RYR2: variants seen among roughly 807,000 people sequenced by gnomAD.
RYR2 encodes ryanodine receptor 2.
Under a neutral mutation model 601.1 loss-of-function variants are expected in RYR2, and 227 were observed. The ratio of observed to expected loss-of-function variants is 0.38; its 90% CI spans 0.34 to 0.42. The LOEUF (loss-of-function observed/expected upper bound fraction) is 0.42, where lower values mean the gene tolerates loss of function less well. RYR2 is among the 10% of genes least tolerant of loss of function. RYR2 has a pLI of 1.00. For missense variants in RYR2, 4,646 were observed against 6,156.5 expected (o/e 0.75, Z 8.21); for synonymous variants, 2,223 against 2,175.1 (o/e 1.02, Z -0.61).
At chr1:237,617,178 T>G (rs980159643) in intron 37 of RYR2, 108 bp from the exon 38 acceptor site, 3 of 1,025,606 alleles carry the variant, frequency 2.9e-6, no homozygotes, top group Non-Finnish European at 4.2e-6. Context: ...ATTCTGTTTC[T>G]AAGAGAGAAG....
chr1:237,290,020 G>A (rs1692034316), intron 2 of RYR2, among the ~76,000 whole-genome samples: 1 of 152,132 alleles, frequency 6.6e-6, no homozygotes, highest in South Asian at 2.1e-4. Context: ...ATACAACATA[G>A]TGGCCTACTC....
intron 12 of RYR2, among the ~76,000 whole-genome samples, chr1:237,424,934 G>A (rs1004560135): frequency 3.9e-5 from 6 of 152,118 alleles, no homozygotes; most frequent in African/African-American, 1.2e-4. Flanking sequence ...TTGCTCCAGT[G>A]AGTGCAGGAA....
rs756926615 is a variant in RYR2, at chr1:237,784,373, A to G, written c.12661A>G (p.Ser4221Gly). ...LNERSANKEE[S>G]EKERPEEQGP... Reference sequence around the variant, plus strand: ...CGAGAGGTCAGCGAATAAGGAAGAAAGCGAGAAGGAGAGGCCGGAAGAGCA... The same window carrying G: ...CGAGAGGTCAGCGAATAAGGAAGAAGGCGAGAAGGAGAGGCCGGAAGAGCA... Residue 4221 changes from serine (S) to glycine (G), a missense_variant, in exon 90 of 105, where the codon AGC becomes GGC. Physicochemically the swap from Ser to Gly is moderately conservative, Grantham distance 56. Coordinates refer to ENST00000366574, the MANE Select transcript of RYR2 (RefSeq NM_001035.3). This position sits in a 1 kb window ranked among gnomAD's most constrained non-coding sequence, Gnocchi z 7.1. 6.2e-7 allele frequency: 1 copy of G among 1,613,968 alleles called. No individual in the cohort carries two copies. The highest frequency in any genetic ancestry group is 2.2e-5 in the East Asian group (1 of 44,868).
intron 5 of RYR2, among the ~76,000 whole-genome samples, chr1:237,364,576 G>A (rs1484444673): frequency 6.6e-6 from 1 of 151,842 alleles, no homozygotes; most frequent in Non-Finnish European, 1.5e-5. Flanking sequence ...TTGAATCCAT[G>A]TAACTTTTCT....
chr1:237,669,865 C>A (rs1475168261), intron 58 of RYR2, among the ~76,000 whole-genome samples: 1 of 151,942 alleles, frequency 6.6e-6, no homozygotes, highest in East Asian at 2.0e-4. Context: ...GGCAGAGACG[C>A]TCCTCACTTC....
chr1:237,491,543 G>A (rs1663339774), intron 17 of RYR2, among the ~76,000 whole-genome samples: 1 of 152,150 alleles, frequency 6.6e-6, no homozygotes, highest in African/African-American at 2.4e-5. Context: ...CCTCCTTCGG[G>A]TAGCGTTACC....
rs886046262 is a variant in RYR2 at position 237,456,745 on chromosome 1, A to G, written c.1612+10A>G. 6 of 1,613,312 alleles carry G rather than the reference A, an allele frequency of 3.7e-6. No individual in the cohort carries two copies. In the East Asian group the frequency reaches 1.3e-4, roughly 36 times the overall value. ...CTGTATGAGTTGCTGGGTAAGAAGC[A>G]TGATTGGGTTCATAGCAACAGAGTT... On this transcript the variant is annotated intron_variant, in intron 16 of 104. Transcript: ENST00000366574.
intron 54 of RYR2, among the ~76,000 whole-genome samples, chr1:237,658,720 T>C (rs1321205965): frequency 1.3e-5 from 2 of 152,188 alleles, no homozygotes; most frequent in Non-Finnish European, 2.9e-5. Flanking sequence ...TGTAGTTCTA[T>C]ATCAGATAAA....
intron 1 of RYR2, among the ~76,000 whole-genome samples, chr1:237,093,602 G>A (rs912963120): frequency 1.3e-5 from 2 of 152,136 alleles, no homozygotes; most frequent in African/African-American, 4.8e-5. Flanking sequence ...TAGGACCACA[G>A]GCTCTGGATG....
chr1:237,441,467 G>T lies in RYR2; in HGVS notation c.1154G>T (p.Gly385Val). The T allele has an allele frequency of 6.3e-7, 1 of 1,583,856 alleles. No individual in the cohort carries two copies. The highest frequency in any genetic ancestry group is 8.6e-7 in the Non-Finnish European group (1 of 1,162,694). ...GTGGACGTGAAATCCGTGAGAATGGGATCTATACAACGTAAGGTAAGGTGA... is the reference window on the plus strand; with the variant it reads ...GTGGACGTGAAATCCGTGAGAATGGTATCTATACAACGTAAGGTAAGGTGA... The part of the protein sequence containing the change: ...QSVDVKSVRM[G>V]SIQRKAIMHH... Residue 385 changes from glycine to valine, a missense_variant, in exon 13 of 105, where the codon GGA becomes GTA. Physicochemically the swap from Gly to Val is moderately radical, Grantham distance 109. Coordinates refer to ENST00000366574, the MANE Select transcript of RYR2 (RefSeq NM_001035.3).
chr1:237,554,848 A>T (rs1670732176), intron 27 of RYR2, among the ~76,000 whole-genome samples: 1 of 152,004 alleles, frequency 6.6e-6, no homozygotes, highest in Non-Finnish European at 1.5e-5. Flanking sequence ...CCTGGTAATG[A>T]TAGTTGATGT....
At chr1:237,431,072 T>C (rs1161043793) in intron 12 of RYR2, among the ~76,000 whole-genome samples, 3 of 152,132 alleles carry the variant, frequency 2.0e-5, no homozygotes, top group Non-Finnish European at 4.4e-5. Flanking sequence ...ACCACTCGAG[T>C]GTACAGGTTA....
rs1417203265 is a variant in RYR2, at chr1:237,584,655, T to TGTTTTTG, written c.3599-5138_3599-5137insGTTTTTG. Reference sequence around the variant, plus strand: ...CAAATCCAGCTCACCACCTGTTTTTTTTTTTTTTTTTTTTTTTTGAGACAG... The same window carrying TGTTTTTG: ...CAAATCCAGCTCACCACCTGTTTTTTGTTTTTGTTTTTTTTTTTTTTTTTTGAGACAG... On this transcript the variant is annotated intron_variant, in intron 29 of 104. Transcript: ENST00000366574. 1.1e-4 allele frequency among the ~76,000 whole-genome samples: 14 copies of TGTTTTTG among 129,608 alleles called. No individual in the cohort carries two copies. The East Asian group carries it at 1.1e-3, about 11-fold the overall frequency. The allele number at this position is 129,608 out of a possible 152,430, so 85.0% of individuals were successfully genotyped here.
At chr1:237,494,500 C>T (rs1253955520) in intron 19 of RYR2, among the ~76,000 whole-genome samples, 1 of 152,108 alleles carries the variant, frequency 6.6e-6, no homozygotes, top group Non-Finnish European at 1.5e-5. Context: ...GATGGGTCGG[C>T]CTCTCCCAGC....
intron 84 of RYR2, among the ~76,000 whole-genome samples, chr1:237,766,096 A>G (rs921329579): frequency 2.0e-5 from 3 of 152,112 alleles, no homozygotes; most frequent in Non-Finnish European, 4.4e-5. Flanking sequence ...CACGGCAGAG[A>G]ATGGTGACTA....
chr1:237,549,628 C>CTTTTTTTT (rs57579159), intron 26 of RYR2, among the ~76,000 whole-genome samples: 1 of 77,710 alleles, frequency 1.3e-5, no homozygotes, highest in African/African-American at 5.3e-5. Context: ...CCATAGCTTT[C>CTTTTTTTT]TTTTTTTTTT....
chr1:237,636,789 C>T (rs1006235481), intron 44 of RYR2, among the ~76,000 whole-genome samples: 1 of 152,192 alleles, frequency 6.6e-6, no homozygotes, highest in Non-Finnish European at 1.5e-5. Flanking sequence ...GAATACCGAC[C>T]ATCAATGTAT....
chr1:237,721,681 G>A (rs1452666410), intron 73 of RYR2, among the ~76,000 whole-genome samples: 1 of 152,062 alleles, frequency 6.6e-6, no homozygotes, highest in Non-Finnish European at 1.5e-5. Flanking sequence ...ACCACACCCA[G>A]CTAATTTTTT....
At position 237,792,378 on chromosome 1, in the gene RYR2, TGTGC is replaced by T. The variant is rs1553327360; in HGVS notation, c.13782+59_13782+62del. On this transcript the variant is annotated intron_variant, in intron 94 of 104. Coordinates refer to ENST00000366574, the MANE Select transcript of RYR2 (RefSeq NM_001035.3). ...GTGTGTGTGTGTGTGTGTGTGTGTGTGTGCGTGTGTGTGTGTGTGCGTGTGTGTG... is the reference window on the plus strand; with the variant it reads ...GTGTGTGTGTGTGTGTGTGTGTGTGTGTGTGTGTGTGTGTGCGTGTGTGTG... 415 of 864,466 alleles carry T rather than the reference TGTGC, an allele frequency of 4.8e-4. 1 individual carries two copies. In the East Asian group the frequency reaches 0.01, roughly 21 times the overall value. The allele number at this position is 864,466 out of a possible 1,614,324, so 53.5% of individuals were successfully genotyped here.
Sources: gnomAD v4.1 joint callset for allele counts (sites outside exome capture counted in the v4.1 genomes callset) on GRCh38, gnomAD v4.1.1 for gene constraint, Gnocchi (gnomAD v3.1) non-coding constraint, MANE v1.5 for transcripts, NCBI Gene and HGNC (gene_info 2026-07-23, HGNC 2026-07-21) for gene names.